DSC2: variants seen among roughly 807,000 people sequenced by gnomAD.
DSC2 encodes desmocollin 2, also known as desmocollin-2.
Under a neutral mutation model 87.6 loss-of-function variants are expected in DSC2, and 51 were observed. That is an observed-to-expected ratio of 0.58 (90% CI 0.46 to 0.74). The LOEUF (loss-of-function observed/expected upper bound fraction) is 0.74, where lower values mean the gene tolerates loss of function less well. Ranked by LOEUF, DSC2 falls within the 30% of genes least tolerant of loss-of-function variation. The pLI, the probability that DSC2 is intolerant of heterozygous loss-of-function variation, is 0.00. For missense variants in DSC2, 1,066 were observed against 1,089.5 expected, an observed-to-expected ratio of 0.98 and a Z score of 0.30; for synonymous variants, 383 against 393.2, an observed-to-expected ratio of 0.97 and a Z score of 0.31.
rs138761522 is a variant in DSC2, at chr18:31,080,181, G to T, written c.1435C>A (p.Arg479Ser). The T allele has an allele frequency of 6.2e-7, 1 of 1,613,890 alleles. No homozygotes were observed. Among genetic ancestry groups the T allele is most frequent in the Admixed American group, 1.7e-5 (1 of 59,988 alleles). ...CCCACTTCTGCATTTTCTTTCATGCGAACAGTCTGTATTGGAGGGTTACAC... is the reference window on the plus strand; with the variant it reads ...CCCACTTCTGCATTTTCTTTCATGCTAACAGTCTGTATTGGAGGGTTACAC... Reference protein sequence around the residue: ...PECNPPIQTVRMKENAEVGTT... With the variant: ...PECNPPIQTVSMKENAEVGTT... Residue 479 changes from arginine to serine, a missense_variant, in exon 10 of 16, where the codon CGC (arginine) becomes AGC (serine). Arg to Ser is a moderately radical substitution (Grantham distance 110). Transcript: ENST00000280904.
intron 9 of DSC2, among the ~76,000 whole-genome samples, chr18:31,081,015 G>A (rs1057314290): frequency 6.6e-6 from 1 of 152,104 alleles, no homozygotes; most frequent in African/African-American, 2.4e-5. Flanking sequence ...GAAGATTTCA[G>A]AGAGTATTTA....
At chr18:31,075,049 G>C in intron 11 of DSC2, 142 bp from the exon 12 acceptor site, 3 of 871,122 alleles carry the variant, frequency 3.4e-6, no homozygotes, top group South Asian at 1.5e-5. Flanking sequence ...TATGTCCTCA[G>C]GGAATGTTAC....
intron 7 of DSC2, among the ~76,000 whole-genome samples, chr18:31,085,467 T>G (rs1258356278): frequency 2.6e-5 from 4 of 151,238 alleles, no homozygotes; most frequent in African/African-American, 4.8e-5. Flanking sequence ...TTATTATTTT[T>G]AATATTTAAA....
intron 11 of DSC2, among the ~76,000 whole-genome samples, chr18:31,077,507 C>CA (rs1987062897): frequency 1.3e-5 from 2 of 152,232 alleles, no homozygotes; most frequent in Admixed American, 1.3e-4. Flanking sequence ...TAGATGTTTA[C>CA]AGTTGCTCAC....
At chr18:31,088,463 G>A (rs1358876934) in intron 5 of DSC2, among the ~76,000 whole-genome samples, 1 of 151,980 alleles carries the variant, frequency 6.6e-6, no homozygotes, top group Non-Finnish European at 1.5e-5. Flanking sequence ...AACATCCTAG[G>A]TACTCAGAAG....
chr18:31,072,024 A>C (rs929577916), intron 12 of DSC2, among the ~76,000 whole-genome samples, 183 bp from the exon 13 acceptor site: 2 of 152,234 alleles, frequency 1.3e-5, no homozygotes, highest in Non-Finnish European at 2.9e-5. Context: ...CCCATTGCAA[A>C]CATATTACAT....
rs755041461 is a variant in DSC2 at position 31,074,821 on chromosome 18, T to C, written c.1750A>G (p.Ile584Val). Residue 584 changes from isoleucine (I) to valine (V), a missense_variant, in exon 12 of 16, where the codon ATC (isoleucine) becomes GTC (valine). Ile to Val is a conservative substitution (Grantham distance 29). Coordinates refer to ENST00000280904, the MANE Select transcript of DSC2 (RefSeq NM_024422.6). ...GCAGATGACATGGTGGGTTTGCAGATGATCACTGTCTTTTTAGGTATGAAT... is the reference window on the plus strand; with the variant it reads ...GCAGATGACATGGTGGGTTTGCAGACGATCACTGTCTTTTTAGGTATGAAT... ...SPFIPKKTVI[I>V]CKPTMSSAEI... is the part of the protein sequence containing the mutation. The C allele has an allele frequency of 3.2e-5, 52 of 1,613,928 alleles. No homozygotes were observed. The highest frequency in any genetic ancestry group is 5.1e-6 in the Non-Finnish European group (6 of 1,179,992).
rs759893001 is a variant in DSC2, at chr18:31,071,849, TATAA to T, written c.1889-12_1889-9del. 1 of 1,603,344 alleles carries T rather than the reference TATAA, an allele frequency of 6.2e-7. No homozygotes were observed. Among genetic ancestry groups the T allele is most frequent in the Non-Finnish European group, 8.5e-7 (1 of 1,171,162 alleles). ...AAAGACGTGCTGCTGTATCTGAAAA[TATAA>T]ATAAATAAAACCAAACATTATACAA... On this transcript the variant is annotated splice_polypyrimidine_tract_variant and intron_variant, in intron 12 of 15. Transcript: ENST00000280904.
chr18:31,074,761 G>A lies in DSC2; in HGVS notation c.1810C>T (p.His604Tyr). The change falls in exon 12 of 16, where the codon CAT becomes TAT. Residue 604 changes from histidine (H) to tyrosine (Y), a missense_variant. Physicochemically the swap from His to Tyr is moderately conservative, Grantham distance 83. Coordinates refer to ENST00000280904, the MANE Select transcript of DSC2 (RefSeq NM_024422.6). ...IVAVDPDEPI[H>Y]GPPFDFSLES... ...AGACTAAAGTCAAAGGGTGGGCCAT[G>A]GATAGGCTCATCAGGATCAACCGCA... 6.2e-7 allele frequency: 1 copy of A among 1,614,034 alleles called. No individual in the cohort carries two copies. The highest frequency in any genetic ancestry group is 8.5e-7 in the Non-Finnish European group (1 of 1,179,996).
rs755806540 is a variant in DSC2 at position 31,080,372 on chromosome 18, GA to G, written c.1264-21del. 6.2e-7 allele frequency: 1 copy of G among 1,612,272 alleles called. No homozygotes were observed. The highest frequency in any genetic ancestry group is 8.5e-7 in the Non-Finnish European group (1 of 1,179,278). On this transcript the variant is annotated intron_variant, in intron 9 of 15. Transcript: ENST00000280904. ...CAAAGGCTACGAAAGCAAATGTATT[GA>G]AAAATCAGATGAACTCATTTAATAT...
At chr18:31,082,189 C>T (rs749279815) in intron 9 of DSC2, 49 bp downstream of exon 9, 1 of 1,530,580 alleles carries the variant, frequency 6.5e-7, no homozygotes, top group Non-Finnish European at 9.0e-7. Context: ...TTCTAGCATG[C>T]TATTCTATGA....
Position 31,067,001 on chromosome 18 carries a change from C to T in DSC2, c.*1014G>A, listed in dbSNP as rs149526583. ...CCATTCTTGTTGTTAACACAGAGCA[C>T]TGCTTCTAATAAAAGCATGGCATAG... is the stretch of plus-strand genomic sequence containing the variant. On this transcript the variant is annotated 3_prime_UTR_variant, in exon 16 of 16. Transcript: ENST00000280904. 6.6e-6 allele frequency: 1 copy of T among 152,154 alleles called. No individual in the cohort carries two copies. The highest frequency in any genetic ancestry group is 1.9e-4 in the East Asian group (1 of 5,184). The allele number at this position is 152,154 out of a possible 1,614,324, so 9.4% of individuals were successfully genotyped here.
intron 1 of DSC2, among the ~76,000 whole-genome samples, chr18:31,095,768 T>C (rs1479449368): frequency 6.6e-6 from 1 of 151,972 alleles, no homozygotes; most frequent in African/African-American, 2.4e-5. Context: ...GTAAGACAAA[T>C]GTAATGATAG....
rs761822248 is a variant in DSC2, at chr18:31,068,207, C to T, written c.2514G>A (p.Val838=). 1.2e-6 allele frequency: 2 copies of T among 1,614,050 alleles called. No individual in the cohort carries two copies. Among genetic ancestry groups the T allele is most frequent in the South Asian group, 1.1e-5 (1 of 91,056 alleles). Residue 838 remains valine, a synonymous_variant, in exon 16 of 16, where the codon GTG becomes GTA. Transcript: ENST00000280904. ...GATTTTCATCTTGATTACACAGATA[C>T]ACTTTCTGCCAAGGGGAAAAACACA... ...SFTQPRLGEK[V]YLCNQDENHK... is the part of the protein sequence containing the mutation.
At chr18:31,080,027 A>C in intron 10 of DSC2, 38 bp from the exon 11 acceptor site, 1 of 1,610,126 alleles carries the variant, frequency 6.2e-7, no homozygotes, top group Non-Finnish European at 8.5e-7. Context: ...AAAATTTATC[A>C]TATGCTAAAT....
At position 31,065,242 on chromosome 18, in the gene DSC2, G is replaced by A. The variant is rs1986586263; in HGVS notation, c.*2773C>T. The A allele has an allele frequency of 6.6e-6, 1 of 152,152 alleles. No individual in the cohort carries two copies. The highest frequency in any genetic ancestry group is 1.5e-5 in the Non-Finnish European group (1 of 68,058). The allele number at this position is 152,152 out of a possible 1,614,324, so 9.4% of individuals were successfully genotyped here. A position where few individuals can be genotyped will look rare whatever the true frequency, so the allele number is the denominator to read the frequency against. On this transcript the variant is annotated 3_prime_UTR_variant, in exon 16 of 16. Coordinates refer to ENST00000280904, the MANE Select transcript of DSC2 (RefSeq NM_024422.6). ...TGGTGAAATACTGGTCGGGCTTCTG[G>A]GAAAGGTGAATAAGAGCATCATGGC... is the stretch of plus-strand genomic sequence containing the variant.
chr18:31,093,521 C>A, intron 2 of DSC2, 38 bp downstream of exon 2: 1 of 1,525,204 alleles, frequency 6.6e-7, no homozygotes, highest in Non-Finnish European at 9.0e-7. Context: ...TGTACCACAG[C>A]AAAACAGGAT....
chr18:31,082,481 C>G, intron 8 of DSC2, 58 bp from the exon 9 acceptor site: 1 of 1,440,962 alleles, frequency 6.9e-7, no homozygotes, highest in Admixed American at 1.7e-5. Flanking sequence ...AAATTGAACA[C>G]GATGTGAAGT....
At chr18:31,069,771 T>C (rs2144786072) in intron 14 of DSC2, among the ~76,000 whole-genome samples, 1 of 151,716 alleles carries the variant, frequency 6.6e-6, no homozygotes, top group African/African-American at 2.4e-5. Flanking sequence ...CTTCAATCCT[T>C]CCTACATCTC....
Sources: allele counts gnomAD v4.1 joint callset (sites outside exome capture counted in the v4.1 genomes callset), GRCh38; gene constraint gnomAD v4.1.1; transcripts MANE v1.5; gene names NCBI Gene and HGNC (gene_info 2026-07-23, HGNC 2026-07-21).